The following HECW2 variants were observed in gnomAD, a reference collection of about 807,000 sequenced individuals.
HECW2 encodes the protein E3 ubiquitin-protein ligase HECW2.
Under a neutral mutation model 175.2 loss-of-function variants are expected in HECW2, and 61 were observed. The observed-to-expected ratio is 0.35, with a 90% CI of 0.28 to 0.43. The LOEUF is 0.43. HECW2 is among the 20% of genes least tolerant of loss of function. HECW2 has a pLI of 1.00. For missense variants in HECW2, 1,524 were observed against 2,000.5 expected, an observed-to-expected ratio of 0.76 and a Z score of 4.54; for synonymous variants, 671 against 731.0, an observed-to-expected ratio of 0.92 and a Z score of 1.32.
chr2:196,449,002 T>C (rs1278341419), intron 1 of HECW2, among the ~76,000 whole-genome samples: 2 of 152,326 alleles, frequency 1.3e-5, no homozygotes, highest in East Asian at 3.9e-4. Flanking sequence ...TACTCAGGAA[T>C]CCTACAGTAA....
chr2:196,452,087 G>A (rs1359280545), intron 1 of HECW2, among the ~76,000 whole-genome samples: 1 of 152,064 alleles, frequency 6.6e-6, no homozygotes, highest in Non-Finnish European at 1.5e-5. Flanking sequence ...AGCATACATA[G>A]CTCAGTAATG....
chr2:196,334,444 C>T lies in HECW2; in HGVS notation c.475G>A (p.Val159Met), dbSNP rs185418720. The T allele has an allele frequency of 3.0e-5, 48 of 1,609,216 alleles. No individual in the cohort carries two copies. Among genetic ancestry groups the T allele is most frequent in the East Asian group, 4.5e-5 (2 of 44,746 alleles). ...ALRATTPCIT[V>M]KNPAVMMGAE... is the part of the protein sequence containing the mutation. ...CTCACCATCACAGCTGGGTTCTTCACGGTGATGCAGGGGGTCGTGGCTCGC... is the reference window on the plus strand; with the variant it reads ...CTCACCATCACAGCTGGGTTCTTCATGGTGATGCAGGGGGTCGTGGCTCGC... Residue 159 changes from valine to methionine, a missense_variant, in exon 4 of 29, where the codon GTG becomes ATG. Coordinates refer to ENST00000644978, the MANE Select transcript of HECW2 (RefSeq NM_001348768.2).
intron 1 of HECW2, among the ~76,000 whole-genome samples, chr2:196,546,864 G>T (rs1689442157): frequency 6.6e-6 from 1 of 150,932 alleles, no homozygotes; most frequent in Non-Finnish European, 1.5e-5. Context: ...AAATTCTAAA[G>T]CAGGAGAGGC....
intron 2 of HECW2, among the ~76,000 whole-genome samples, chr2:196,363,101 C>T (rs955760197): frequency 1.3e-5 from 2 of 152,084 alleles, no homozygotes; most frequent in Non-Finnish European, 2.9e-5. Flanking sequence ...ACACAGCAAG[C>T]CAGGCACTCC....
intron 2 of HECW2, chr2:196,362,245 C>T: frequency 1.0e-6 from 1 of 964,348 alleles, no homozygotes; most frequent in Non-Finnish European, 1.2e-6. Flanking sequence ...GTACAGGATG[C>T]AATCGCCCCA....
intron 3 of HECW2, among the ~76,000 whole-genome samples, chr2:196,338,058 T>C (rs1692617818): frequency 1.3e-5 from 2 of 152,318 alleles, no homozygotes; most frequent in Middle Eastern, 6.8e-3. Flanking sequence ...AATGAAGATG[T>C]CCCTCAGGGT....
rs552438885 is a variant in HECW2, at chr2:196,347,544, G to T, written c.293-3780C>A. 2.6e-5 allele frequency among the ~76,000 whole-genome samples: 4 copies of T among 152,148 alleles called. No homozygotes were observed. In the South Asian group the frequency reaches 8.3e-4, roughly 32 times the overall value. ...ATCTGTGACATTTAAAGAAATAAAA[G>T]TTAGCCCTTTGAAGCCAAATGGGTA... On this transcript the variant is annotated intron_variant, in intron 2 of 28. Transcript: ENST00000644978.
At chr2:196,404,814 C>T (rs919825037) in intron 2 of HECW2, among the ~76,000 whole-genome samples, 9 of 121,058 alleles carry the variant, frequency 7.4e-5, no homozygotes, top group South Asian at 2.7e-4. Flanking sequence ...TTTCTTTTTT[C>T]TTCTCTTTTT....
At chr2:196,543,113 A>AT (rs1689285552) in intron 1 of HECW2, among the ~76,000 whole-genome samples, 1 of 150,696 alleles carries the variant, frequency 6.6e-6, no homozygotes, top group South Asian at 2.1e-4. Flanking sequence ...AGTGATTTTT[A>AT]TTTTTTCTTT....
At position 196,200,557 on chromosome 2, in the gene HECW2, CTA is replaced by C. The variant is rs1686823116; in HGVS notation, c.*718_*719del. Reference sequence around the variant, plus strand: ...TTTCCTGATATGCTGTGATTAATTGCTAGTTATTTTAAAATTGTTTTCATGCA... The same window carrying C: ...TTTCCTGATATGCTGTGATTAATTGCGTTATTTTAAAATTGTTTTCATGCA... On this transcript the variant is annotated 3_prime_UTR_variant, in exon 29 of 29. Transcript: ENST00000644978. 1 of 152,524 alleles carries C rather than the reference CTA, an allele frequency of 6.6e-6. No homozygotes were observed. Among genetic ancestry groups the C allele is most frequent in the South Asian group, 2.1e-4 (1 of 4,828 alleles). The allele number at this position is 152,524 out of a possible 1,614,324, so 9.4% of individuals were successfully genotyped here. A position where few individuals can be genotyped will look rare whatever the true frequency, so the allele number is the denominator to read the frequency against.
chr2:196,455,121 C>G (rs374199556), intron 1 of HECW2, among the ~76,000 whole-genome samples: 2 of 151,914 alleles, frequency 1.3e-5, no homozygotes, highest in Non-Finnish European at 2.9e-5. Flanking sequence ...GCGACCTCCA[C>G]CTCCTGGGTT....
chr2:196,338,220 A>T (rs1692623260), intron 3 of HECW2, among the ~76,000 whole-genome samples: 1 of 152,156 alleles, frequency 6.6e-6, no homozygotes, highest in African/African-American at 2.4e-5. Context: ...GGGTTTCTGT[A>T]ACTGTGAAAT....
intron 2 of HECW2, among the ~76,000 whole-genome samples, chr2:196,370,201 ATT>A (rs1693868377): frequency 6.6e-6 from 1 of 151,812 alleles, no homozygotes; most frequent in East Asian, 2.0e-4. Flanking sequence ...ACTGCTGCTG[ATT>A]ATTTAGGGCC....
intron 18 of HECW2, among the ~76,000 whole-genome samples, chr2:196,257,145 A>G (rs1260484138): frequency 6.6e-6 from 1 of 152,248 alleles, no homozygotes; most frequent in Non-Finnish European, 1.5e-5. Flanking sequence ...GGTAGAGCAA[A>G]GCATTATTTT....
At chr2:196,285,861 T>C (rs1051151240) in intron 14 of HECW2, among the ~76,000 whole-genome samples, 5 of 152,224 alleles carry the variant, frequency 3.3e-5, no homozygotes, top group Non-Finnish European at 7.4e-5. Flanking sequence ...TACGTTTAAC[T>C]GCTATGACTG....
chr2:196,403,723 A>C (rs1694882400), intron 2 of HECW2, among the ~76,000 whole-genome samples: 1 of 152,246 alleles, frequency 6.6e-6, no homozygotes, highest in African/African-American at 2.4e-5. Flanking sequence ...CGTGGCTATA[A>C]GACCAGTCAG....
intron 3 of HECW2, among the ~76,000 whole-genome samples, chr2:196,341,803 G>C (rs1221949570): frequency 6.6e-6 from 1 of 152,206 alleles, no homozygotes; most frequent in Non-Finnish European, 1.5e-5. Context: ...AAGTTCTAGA[G>C]TGCTGATTTA....
At chr2:196,312,129 T>G (rs1466648985) in intron 10 of HECW2, among the ~76,000 whole-genome samples, 1 of 151,964 alleles carries the variant, frequency 6.6e-6, no homozygotes, top group East Asian at 1.9e-4. Context: ...AAATCAGACC[T>G]CGGTCTCCAC....
At chr2:196,346,865 G>C (rs1275085722) in intron 2 of HECW2, among the ~76,000 whole-genome samples, 1 of 151,506 alleles carries the variant, frequency 6.6e-6, no homozygotes, top group African/African-American at 2.4e-5. Context: ...AAAATTAGCT[G>C]GGCGTGGTGA....
Sources: allele counts gnomAD v4.1 joint callset (sites outside exome capture counted in the v4.1 genomes callset), GRCh38; gene constraint gnomAD v4.1.1; transcripts MANE v1.5; gene names NCBI Gene and HGNC (gene_info 2026-07-23, HGNC 2026-07-21).